AKIRIN2: variants seen among roughly 807,000 people sequenced by gnomAD.
AKIRIN2 encodes akirin 2.
Under a neutral mutation model 29.3 loss-of-function variants are expected in AKIRIN2, and 6 were observed. That is an observed-to-expected ratio of 0.20 (90% confidence interval 0.11 to 0.40). The LOEUF (loss-of-function observed/expected upper bound fraction) is 0.40. Among genes scored for constraint, AKIRIN2 ranks in the 10% least tolerant of loss-of-function variants. The pLI, the probability that AKIRIN2 is intolerant of heterozygous loss-of-function variation, is 1.00. For missense variants in AKIRIN2, 210 were observed against 276.1 expected, an observed-to-expected ratio of 0.76 and a Z score of 1.70; for synonymous variants, 128 against 117.5, an observed-to-expected ratio of 1.09 and a Z score of -0.58.
chr6:87,697,350 T>C (rs1035687951), intron 1 of AKIRIN2, among the ~76,000 whole-genome samples: 14 of 150,070 alleles, frequency 9.3e-5, no homozygotes, highest in Non-Finnish European at 1.5e-5. Context: ...TGAATACAAC[T>C]GCAGTTTTTA....
At chr6:87,694,769 T>C (rs1169771982) in intron 1 of AKIRIN2, among the ~76,000 whole-genome samples, 1 of 152,220 alleles carries the variant, frequency 6.6e-6, no homozygotes, top group Non-Finnish European at 1.5e-5. Flanking sequence ...AGCTGCTTTC[T>C]TAGTGCTAGA....
intron 1 of AKIRIN2, among the ~76,000 whole-genome samples, chr6:87,688,098 C>G (rs1309054497): frequency 6.6e-6 from 1 of 152,154 alleles, no homozygotes; most frequent in Non-Finnish European, 1.5e-5. Flanking sequence ...CGCCACTGCA[C>G]TCCAGCCTAG....
chr6:87,687,439 C>CAAAAAAAAAA lies in AKIRIN2; in HGVS notation c.236-5686_236-5677dup, dbSNP rs201472497. Among the ~76,000 whole-genome samples the CAAAAAAAAAA allele has an allele frequency of 6.0e-4, 65 of 109,068 alleles. 2 individuals are homozygous for CAAAAAAAAAA. Among genetic ancestry groups the CAAAAAAAAAA allele is most frequent in the African/African-American group, 1.5e-3 (45 of 30,534 alleles). The allele number at this position is 109,068 out of a possible 152,430, so 71.6% of individuals were successfully genotyped here. ...GGGCAACAAGAGCAAAATTCCGTTT[C>CAAAAAAAAAA]AAAAAAAAAAAAAAAAACACACTAC... On this transcript the variant is annotated intron_variant, in intron 1 of 4. Transcript: ENST00000257787.
In AKIRIN2 at chr6:87,701,459, G is replaced by A; in HGVS notation, c.226C>T (p.Leu76Phe). The A allele has an allele frequency of 2.0e-6, 3 of 1,524,674 alleles. No homozygotes were observed. Among genetic ancestry groups the A allele is most frequent in the Non-Finnish European group, 1.8e-6 (2 of 1,138,976 alleles). 94.4% of individuals were successfully genotyped at this position (1,524,674 alleles called of 1,614,324 possible). ...CGGGGCCGGGTCCCACCTGTGGTGA[G>A]GCGGGAGGAGACGTCGCCGAAGGGG... is the stretch of plus-strand genomic sequence containing the variant. Reference protein sequence around the residue: ...PSPFGDVSSRLTTEQILYNIK... With the variant: ...PSPFGDVSSRFTTEQILYNIK... The change falls in exon 1 of 5, where the codon CTC becomes TTC. Residue 76 changes from leucine to phenylalanine, a missense_variant. Physicochemically the swap from Leu to Phe is conservative, Grantham distance 22. Around this residue, in one of 2 missense-constraint regions of AKIRIN2, gnomAD observed 199 missense variants for 236.5 expected, o/e 0.84. Coordinates refer to ENST00000257787, the MANE Select transcript of AKIRIN2 (RefSeq NM_018064.4).
At position 87,701,851 on chromosome 6, in the gene AKIRIN2, G is replaced by GCCGCTGCCT. The variant is rs1771473526; in HGVS notation, c.-176_-168dup. Reference sequence around the variant, plus strand: ...GGCTGTGGAAAGGAGAGCCGCTGCCGCCGCTGCCTCCGCGGCAGGGGCAGT... The same window carrying GCCGCTGCCT: ...GGCTGTGGAAAGGAGAGCCGCTGCCGCCGCTGCCTCCGCTGCCTCCGCGGCAGGGGCAGT... On this transcript the variant is annotated 5_prime_UTR_variant, in exon 1 of 5. Transcript: ENST00000257787. The GCCGCTGCCT allele has an allele frequency of 4.3e-6, 2 of 466,926 alleles. No homozygotes were observed. Among genetic ancestry groups the GCCGCTGCCT allele is most frequent in the Non-Finnish European group, 7.3e-6 (2 of 273,364 alleles). 28.9% of individuals were successfully genotyped at this position (466,926 alleles called of 1,614,324 possible). A position where few individuals can be genotyped will look rare whatever the true frequency, so the allele number is the denominator to read the frequency against.
intron 1 of AKIRIN2, among the ~76,000 whole-genome samples, chr6:87,689,923 C>T (rs1056558397): frequency 6.6e-6 from 1 of 152,180 alleles, no homozygotes; most frequent in Non-Finnish European, 1.5e-5. Context: ...AAAATAACAA[C>T]TCTCTTGGCC....
At position 87,675,462 on chromosome 6, in the gene AKIRIN2, G is replaced by T; in HGVS notation, c.*135C>A. 1 of 1,245,844 alleles carries T rather than the reference G, an allele frequency of 8.0e-7. No individual in the cohort carries two copies. The highest frequency in any genetic ancestry group is 1.2e-6 in the Non-Finnish European group (1 of 864,284). The allele number at this position is 1,245,844 out of a possible 1,614,324, so 77.2% of individuals were successfully genotyped here. The stretch of plus-strand genomic sequence containing the variant: ...CAAAACCAGTTGCTGCTGCCTAAGA[G>T]TGGTTGCCACTGACGAAAGCTTGAA... On this transcript the variant is annotated 3_prime_UTR_variant, in exon 5 of 5. Coordinates refer to ENST00000257787, the MANE Select transcript of AKIRIN2 (RefSeq NM_018064.4).
At chr6:87,679,373 G>T (rs1771081938) in intron 2 of AKIRIN2, among the ~76,000 whole-genome samples, 1 of 144,240 alleles carries the variant, frequency 6.9e-6, no homozygotes, top group Admixed American at 6.7e-5. Flanking sequence ...AAAATACAAA[G>T]ATTGGCTGGG....
chr6:87,698,918 T>C (rs1488525979), intron 1 of AKIRIN2, among the ~76,000 whole-genome samples: 1 of 152,144 alleles, frequency 6.6e-6, no homozygotes, highest in South Asian at 2.1e-4. Context: ...AAACTGAAAG[T>C]ATCTAGAGGA....
Position 87,701,618 on chromosome 6 carries a change from T to G in AKIRIN2, c.67A>C (p.Lys23Gln). 6.9e-7 allele frequency: 1 copy of G among 1,455,968 alleles called. No individual in the cohort carries two copies. Among genetic ancestry groups the G allele is most frequent in the South Asian group, 1.5e-5 (1 of 68,732 alleles). 90.2% of individuals were successfully genotyped at this position (1,455,968 alleles called of 1,614,324 possible). A position where few individuals can be genotyped will look rare whatever the true frequency, so the allele number is the denominator to read the frequency against. Residue 23 changes from lysine (K) to glutamine (Q), a missense_variant, in exon 1 of 5, where the codon AAG becomes CAG. Transcript: ENST00000257787. ...GACAATGGCGCACATCGCCTGCGCTTCGGGGACGCCGGGCTCAACAGCGGG... is the reference window on the plus strand; with the variant it reads ...GACAATGGCGCACATCGCCTGCGCTGCGGGGACGCCGGGCTCAACAGCGGG... ...FDPLLSPASP[K>Q]RRRCAPLSAP...
intron 1 of AKIRIN2, among the ~76,000 whole-genome samples, chr6:87,683,440 G>A (rs931694159): frequency 2.6e-5 from 4 of 151,994 alleles, no homozygotes; most frequent in African/African-American, 4.8e-5. Flanking sequence ...TACTCCAATC[G>A]AGTGACAGTC....
chr6:87,676,880 T>C (rs1340921103), intron 3 of AKIRIN2, among the ~76,000 whole-genome samples: 2 of 151,306 alleles, frequency 1.3e-5, no homozygotes, highest in Non-Finnish European at 2.9e-5. Flanking sequence ...ATCGAGACCA[T>C]CCTGGCTAAC....
chr6:87,676,171 C>CAATT (rs34754963), intron 3 of AKIRIN2, among the ~76,000 whole-genome samples: 94,407 of 151,468 alleles, frequency 0.62, 30,592 homozygotes, highest in African/African-American at 0.81. Context: ...TATTTCCTAA[C>CAATT]AAAAAGGCTG....
At chr6:87,685,201 T>C (rs1379365412) in intron 1 of AKIRIN2, among the ~76,000 whole-genome samples, 1 of 152,204 alleles carries the variant, frequency 6.6e-6, no homozygotes, top group Admixed American at 6.5e-5. Flanking sequence ...CCAATTTAAC[T>C]TGGCCAAGAT....
rs1351142305 is a variant in AKIRIN2, at chr6:87,702,223, C to T, written c.-539G>A. 3 of 397,300 alleles carry T rather than the reference C, an allele frequency of 7.6e-6. No homozygotes were observed. Among genetic ancestry groups the T allele is most frequent in the Non-Finnish European group, 8.9e-6 (2 of 225,616 alleles). The allele number at this position is 397,300 out of a possible 1,614,324, so 24.6% of individuals were successfully genotyped here. A position where few individuals can be genotyped will look rare whatever the true frequency, so the allele number is the denominator to read the frequency against. On this transcript the variant is annotated 5_prime_UTR_variant, in exon 1 of 5. Coordinates refer to ENST00000257787, the MANE Select transcript of AKIRIN2 (RefSeq NM_018064.4). Reference sequence around the variant, plus strand: ...ACACGTCCAACCGCTTCCCCTCCCTCGTAGAACTCTCCCACCCGCCGCCGG... The same window carrying T: ...ACACGTCCAACCGCTTCCCCTCCCTTGTAGAACTCTCCCACCCGCCGCCGG...
intron 1 of AKIRIN2, among the ~76,000 whole-genome samples, chr6:87,698,849 C>G (rs1358421655): frequency 6.6e-6 from 1 of 152,152 alleles, no homozygotes; most frequent in Non-Finnish European, 1.5e-5. Flanking sequence ...AGGTTTAAAA[C>G]AGACATCCAA....
rs1316838368 is a variant in AKIRIN2 at position 87,701,990 on chromosome 6, C to A, written c.-306G>T. ...AGGCGCGGCTCCCCCGAGAGAGGCT[C>A]CGGCCGCCCCCGCCGTCCGCTCGAG... On this transcript the variant is annotated 5_prime_UTR_variant, in exon 1 of 5. Transcript: ENST00000257787. 7.5e-6 allele frequency: 3 copies of A among 402,486 alleles called. No individual in the cohort carries two copies. Among genetic ancestry groups the A allele is most frequent in the Non-Finnish European group, 1.3e-5 (3 of 228,160 alleles). The allele number at this position is 402,486 out of a possible 1,614,324, so 24.9% of individuals were successfully genotyped here.
Position 87,683,796 on chromosome 6 carries a change from G to A in AKIRIN2, c.236-2033C>T, listed in dbSNP as rs564115340. ...AGCCTCCCAAGTAGCTGGGACTATAGGCTCGAGCCACCATGCCCAGCTAAA... is the reference window on the plus strand; with the variant it reads ...AGCCTCCCAAGTAGCTGGGACTATAAGCTCGAGCCACCATGCCCAGCTAAA... On this transcript the variant is annotated intron_variant, in intron 1 of 4. Transcript: ENST00000257787. Among the ~76,000 whole-genome samples the A allele has an allele frequency of 1.1e-4, 17 of 152,194 alleles. No individual in the cohort carries two copies. In the Middle Eastern group the frequency reaches 0.01, roughly 91 times the overall value.
Position 87,701,602 on chromosome 6 carries a change from G to A in AKIRIN2, c.83C>T (p.Ala28Val), listed in dbSNP as rs768403412. 5.6e-6 allele frequency: 8 copies of A among 1,439,662 alleles called. No homozygotes were observed. Among genetic ancestry groups the A allele is most frequent in the Non-Finnish European group, 6.4e-6 (7 of 1,099,086 alleles). 89.2% of individuals were successfully genotyped at this position (1,439,662 alleles called of 1,614,324 possible). ...SPASPKRRRC[A>V]PLSAPTSAAA... ...GGCCGAGGTGGGCGCCGACAATGGC[G>A]CACATCGCCTGCGCTTCGGGGACGC... Residue 28 changes from alanine to valine, a missense_variant, in exon 1 of 5, where the codon GCG becomes GTG. This residue lies in a region of AKIRIN2 where 199 missense variants were observed against 236.5 expected (regional missense o/e 0.84). Coordinates refer to ENST00000257787, the MANE Select transcript of AKIRIN2 (RefSeq NM_018064.4).
Sources: allele counts gnomAD v4.1 joint callset (sites outside exome capture counted in the v4.1 genomes callset), GRCh38; gene constraint gnomAD v4.1.1; regional missense constraint gnomAD v4.1.1; transcripts MANE v1.5; gene names NCBI Gene and HGNC (gene_info 2026-07-23, HGNC 2026-07-21).